Variants in SLC9A7 observed in about 807,000 individuals in gnomAD.
SLC9A7 encodes solute carrier family 9 member A7, also known as sodium/hydrogen exchanger 7.
In SLC9A7, 19 loss-of-function variants were observed where a neutral mutation model predicts 52.6. The ratio of observed to expected loss-of-function variants is 0.36; its 90% CI spans 0.25 to 0.53. The LOEUF is 0.53. Ranked by LOEUF, SLC9A7 falls within the 20% of genes least tolerant of loss-of-function variation. The pLI is 0.91. For missense variants in SLC9A7, 455 were observed against 597.9 expected, an observed-to-expected ratio of 0.76 and a Z score of 2.49; for synonymous variants, 226 against 252.1, an observed-to-expected ratio of 0.90 and a Z score of 0.98.
intron 1 of SLC9A7, among the ~76,000 whole-genome samples, chrX:46,702,019 A>C (rs1277398864): frequency 1.8e-5 from 2 of 111,308 alleles, no homozygotes; most frequent in Admixed American, 9.6e-5. Flanking sequence ...CCCTTAGAGT[A>C]GTATTACAGA....
intron 14 of SLC9A7, among the ~76,000 whole-genome samples, chrX:46,624,606 A>G (rs1245793731): frequency 1.8e-5 from 2 of 112,476 alleles, no homozygotes. Flanking sequence ...TGCTGATTAA[A>G]TATTTGTGAA....
At chrX:46,675,548 T>G (rs978338590) in intron 3 of SLC9A7, among the ~76,000 whole-genome samples, 8 of 112,426 alleles carry the variant, frequency 7.1e-5, no homozygotes, top group African/African-American at 2.6e-4. Context: ...TACAGTCTTT[T>G]GTTGTAATGC....
chrX:46,702,313 CA>C (rs201599309), intron 1 of SLC9A7, among the ~76,000 whole-genome samples: 1,456 of 111,752 alleles, frequency 0.013, 20 homozygotes, highest in African/African-American at 0.045. Flanking sequence ...ATTTTAAATA[CA>C]GGGGGAACAT....
intron 3 of SLC9A7, 40 bp downstream of exon 3, chrX:46,679,638 G>A (rs949885909): frequency 3.0e-6 from 3 of 989,065 alleles, no homozygotes; most frequent in Admixed American, 2.5e-5. Flanking sequence ...TTAACACAGA[G>A]ATTCACATGA....
At chrX:46,690,343 T>C (rs1037221147) in intron 1 of SLC9A7, among the ~76,000 whole-genome samples, 2 of 112,549 alleles carry the variant, frequency 1.8e-5, no homozygotes, top group East Asian at 2.8e-4. Flanking sequence ...GCTAATGATG[T>C]TGAATATCTT....
At chrX:46,632,192 TC>T (rs1205019020) in intron 13 of SLC9A7, among the ~76,000 whole-genome samples, 1 of 112,116 alleles carries the variant, frequency 8.9e-6, no homozygotes, top group Non-Finnish European at 1.9e-5. Flanking sequence ...TCTTACTTTT[TC>T]TTTGGATACA....
chrX:46,702,998 T>G (rs982629543), intron 1 of SLC9A7, among the ~76,000 whole-genome samples: 6 of 112,608 alleles, frequency 5.3e-5, no homozygotes, highest in African/African-American at 1.9e-4. Flanking sequence ...GGTATTGCAC[T>G]GTGGTTTTGA....
chrX:46,635,553 C>G, intron 13 of SLC9A7, 36 bp downstream of exon 13: 1 of 1,096,406 alleles, frequency 9.1e-7, no homozygotes, highest in Non-Finnish European at 1.3e-6. Flanking sequence ...AAAAGCCAGG[C>G]CCAGTTAATT....
At chrX:46,727,929 G>A (rs193189439) in intron 1 of SLC9A7, among the ~76,000 whole-genome samples, 30 of 111,458 alleles carry the variant, frequency 2.7e-4, no homozygotes, top group African/African-American at 8.8e-4. Flanking sequence ...ATAACAATCT[G>A]AGTAATATAA....
At chrX:46,702,035 G>A (rs1311858307) in intron 1 of SLC9A7, among the ~76,000 whole-genome samples, 2 of 111,158 alleles carry the variant, frequency 1.8e-5, no homozygotes, top group African/African-American at 6.6e-5. Flanking sequence ...ACAGATATAT[G>A]TTGTTTAACT....
In SLC9A7 at chrX:46,603,177, G is replaced by T. The variant is rs773364214; in HGVS notation, c.*3775C>A. The T allele has an allele frequency of 9.0e-6, 1 of 110,755 alleles. No individual in the cohort carries two copies. The highest frequency in any genetic ancestry group is 3.9e-4 in the South Asian group (1 of 2,535). The allele number at this position is 110,755 out of a possible 1,213,427, so 9.1% of individuals were successfully genotyped here. ...CTCTCTTCCCTGGGTAGGACTTCTG[G>T]GTGGGCCTCCTGCCCTATACAAACC... On this transcript the variant is annotated 3_prime_UTR_variant, in exon 17 of 17. Coordinates refer to ENST00000616978, the MANE Select transcript of SLC9A7 (RefSeq NM_001257291.2).
chrX:46,719,340 C>T (rs780422884), intron 1 of SLC9A7, among the ~76,000 whole-genome samples: 5 of 108,687 alleles, frequency 4.6e-5, no homozygotes, highest in African/African-American at 1.7e-4. Context: ...ATACACCTAA[C>T]GTAAATGACG....
At position 46,622,561 on chromosome X, in the gene SLC9A7, C is replaced by T. The variant is rs182776260; in HGVS notation, c.1741-1502G>A. On this transcript the variant is annotated intron_variant, in intron 14 of 16. Coordinates refer to ENST00000616978, the MANE Select transcript of SLC9A7 (RefSeq NM_001257291.2). ...TACTATTAAACCATCAGGCACAAAACGAGTACCCCAAAGTCAGTTTCTTCC... is the reference window on the plus strand; with the variant it reads ...TACTATTAAACCATCAGGCACAAAATGAGTACCCCAAAGTCAGTTTCTTCC... Among the ~76,000 whole-genome samples the T allele has an allele frequency of 8.1e-5, 9 of 111,539 alleles. No individual in the cohort carries two copies. In the East Asian group the frequency reaches 2.5e-3, roughly 31 times the overall value.
At chrX:46,656,281 G>A (rs1175224490) in intron 7 of SLC9A7, among the ~76,000 whole-genome samples, 96 of 111,946 alleles carry the variant, frequency 8.6e-4, no homozygotes, top group African/African-American at 2.8e-3. Flanking sequence ...AAAAAACAGA[G>A]CAGAAAAACT....
chrX:46,733,615 G>A (rs188510809), intron 1 of SLC9A7, among the ~76,000 whole-genome samples: 258 of 111,556 alleles, frequency 2.3e-3, no homozygotes, highest in Middle Eastern at 9.2e-3. Flanking sequence ...ATGGAGGGAT[G>A]TGGTAATGGA....
chrX:46,624,284 G>A (rs1228913172), intron 14 of SLC9A7, among the ~76,000 whole-genome samples: 1 of 112,063 alleles, frequency 8.9e-6, no homozygotes, highest in East Asian at 2.8e-4. Flanking sequence ...CCTGGGACTT[G>A]CAACTGGTGT....
intron 3 of SLC9A7, among the ~76,000 whole-genome samples, chrX:46,676,431 T>TC (rs1206042334): frequency 8.9e-6 from 1 of 111,785 alleles, no homozygotes; most frequent in Non-Finnish European, 1.9e-5. Flanking sequence ...GTGAGTTTTT[T>TC]CCCACTCAGG....
At chrX:46,626,975 T>C (rs1463336622) in intron 14 of SLC9A7, among the ~76,000 whole-genome samples, 2 of 111,579 alleles carry the variant, frequency 1.8e-5, no homozygotes, top group East Asian at 5.6e-4. Flanking sequence ...TGTCATATCA[T>C]TGGGATAATG....
At chrX:46,687,676 AAT>A (rs896407207) in intron 1 of SLC9A7, among the ~76,000 whole-genome samples, 2 of 112,367 alleles carry the variant, frequency 1.8e-5, no homozygotes, top group African/African-American at 6.5e-5. Context: ...CCTTGTTTTG[AAT>A]ATGTGGTGAA....
Sources: gnomAD v4.1 joint callset for allele counts (sites outside exome capture counted in the v4.1 genomes callset) on GRCh38, gnomAD v4.1.1 for gene constraint, MANE v1.5 for transcripts, NCBI Gene and HGNC (gene_info 2026-07-23, HGNC 2026-07-21) for gene names.